ATP13A3: variants seen among roughly 807,000 people sequenced by gnomAD.
ATP13A3 encodes polyamine-transporting ATPase 13A3.
Under a neutral mutation model 158.1 loss-of-function variants are expected in ATP13A3, and 59 were observed. The observed-to-expected ratio is 0.37, with a 90% CI of 0.30 to 0.46. The LOEUF is 0.46. Ranked by LOEUF, ATP13A3 falls within the 20% of genes least tolerant of loss-of-function variation. The pLI is 1.00. For synonymous variants in ATP13A3, 491 were observed against 504.3 expected (o/e 0.97, Z 0.35); for missense variants, 1,166 against 1,525.2 (o/e 0.76, Z 3.92).
At chr3:194,424,449 T>C (rs57989106) in intron 30 of ATP13A3, 4 of 151,958 alleles carry the variant, frequency 2.6e-5, no homozygotes, top group Admixed American at 2.6e-4. Flanking sequence ...ACCAACAGGG[T>C]AGAAGTGACA....
chr3:194,420,075 C>A, intron 30 of ATP13A3, 108 bp from the exon 31 acceptor site: 1 of 1,209,514 alleles, frequency 8.3e-7, no homozygotes, highest in Non-Finnish European at 1.1e-6. Context: ...GTTTTGAATA[C>A]TTTCACTTCA....
In ATP13A3 at chr3:194,420,087, T is replaced by C. The variant is rs1271888827; in HGVS notation, c.3314-120A>G. ...TTGGTTTTGAATACTTTCACTTCAG[T>C]TGATGGAATAAAGTATGTGCTCTGT... On this transcript the variant is annotated intron_variant, in intron 30 of 33. Transcript: ENST00000645319. The C allele has an allele frequency of 6.3e-6, 7 of 1,119,120 alleles. No homozygotes were observed. In the Admixed American group the frequency reaches 1.5e-4, roughly 25 times the overall value. 69.3% of individuals were successfully genotyped at this position (1,119,120 alleles called of 1,614,324 possible).
At chr3:194,459,674 C>A in intron 5 of ATP13A3, 115 bp downstream of exon 5, 3 of 1,181,426 alleles carry the variant, frequency 2.5e-6, no homozygotes, top group Non-Finnish European at 3.6e-6. Flanking sequence ...ATTTTATATG[C>A]AGGTAAATTT....
At position 194,448,112 on chromosome 3, in the gene ATP13A3, C is replaced by G; in HGVS notation, c.1151-103G>C. 1 of 1,161,452 alleles carries G rather than the reference C, an allele frequency of 8.6e-7. No homozygotes were observed. The highest frequency in any genetic ancestry group is 1.2e-6 in the Non-Finnish European group (1 of 803,960). The allele number at this position is 1,161,452 out of a possible 1,614,324, so 71.9% of individuals were successfully genotyped here. On this transcript the variant is annotated intron_variant, in intron 12 of 33. Transcript: ENST00000645319. This position sits in a 1 kb window ranked among gnomAD's most constrained non-coding sequence, Gnocchi z 4.0. ...TTTTTTTTTGAGACAGAGTCTCGCT[C>G]TGTCACCCAGGCTGGAGTACAGTGG... is the stretch of plus-strand genomic sequence containing the variant.
chr3:194,451,947 C>G (rs1044865809), intron 10 of ATP13A3: 6 of 152,256 alleles, frequency 3.9e-5, no homozygotes, highest in African/African-American at 1.4e-4. Flanking sequence ...CAATTGCTAC[C>G]TTGATTCGGG....
chr3:194,463,034 G>A (rs1454902582), intron 2 of ATP13A3, among the ~76,000 whole-genome samples: 1 of 152,152 alleles, frequency 6.6e-6, no homozygotes, highest in Non-Finnish European at 1.5e-5. Flanking sequence ...AAGAGCTATG[G>A]CACTAGCAAT....
chr3:194,472,652 T>C (rs1357113694), intron 2 of ATP13A3, among the ~76,000 whole-genome samples: 2 of 152,196 alleles, frequency 1.3e-5, no homozygotes, highest in Non-Finnish European at 2.9e-5. Context: ...ACTAGGTATA[T>C]ATCCAAAGGA....
intron 30 of ATP13A3, among the ~76,000 whole-genome samples, chr3:194,420,657 T>A (rs2108767085): frequency 6.6e-6 from 1 of 152,256 alleles, no homozygotes; most frequent in African/African-American, 2.4e-5. Context: ...CAGTACTTTG[T>A]CTCACTTTCC....
chr3:194,433,398 C>T (rs1382930872), intron 21 of ATP13A3, among the ~76,000 whole-genome samples: 8 of 151,988 alleles, frequency 5.3e-5, no homozygotes, highest in South Asian at 4.1e-4. Context: ...CACCCGCCAC[C>T]GCTCCCGGCT....
chr3:194,419,761 GTAT>G (rs1264947082), intron 31 of ATP13A3, 115 bp downstream of exon 31: 1 of 1,427,596 alleles, frequency 7.0e-7, no homozygotes, highest in African/African-American at 1.5e-5. Context: ...TCTCTGTAGA[GTAT>G]CTTTGGGTTA....
intron 2 of ATP13A3, among the ~76,000 whole-genome samples, chr3:194,469,143 CAA>C (rs35461219): frequency 4.9e-5 from 7 of 142,784 alleles, no homozygotes; most frequent in East Asian, 2.1e-4. Flanking sequence ...ACACACACAC[CAA>C]AAAAAAAAAA....
chr3:194,464,821 T>C (rs1429533681), intron 2 of ATP13A3, among the ~76,000 whole-genome samples: 4 of 152,164 alleles, frequency 2.6e-5, no homozygotes, highest in Admixed American at 2.0e-4. Flanking sequence ...CTCACTATGT[T>C]GCCCAGGCTG....
At chr3:194,410,317 A>AAAAC (rs1392874174) in intron 33 of ATP13A3, among the ~76,000 whole-genome samples, 1 of 145,488 alleles carries the variant, frequency 6.9e-6, no homozygotes, top group African/African-American at 2.6e-5. Flanking sequence ...AAAAAAAAAA[A>AAAAC]AAAAAAAAAA....
rs3836225 is a variant in ATP13A3, at chr3:194,403,917, T to TGGG, written c.*1999_*2001dup. ...TTACTAACTCTAAATGTTAAAAAAGTGGGGGGGGGGTGTCAAAAATAGCTC... is the reference window on the plus strand; with the variant it reads ...TTACTAACTCTAAATGTTAAAAAAGTGGGGGGGGGGGGGTGTCAAAAATAGCTC... On this transcript the variant is annotated 3_prime_UTR_variant, in exon 34 of 34. Transcript: ENST00000645319. 1,224 of 275,524 alleles carry TGGG rather than the reference T, an allele frequency of 4.4e-3. 3 individuals carry two copies. Among genetic ancestry groups the TGGG allele is most frequent in the Non-Finnish European group, 5.5e-3 (773 of 141,274 alleles). The allele number at this position is 275,524 out of a possible 1,614,324, so 17.1% of individuals were successfully genotyped here. A position where few individuals can be genotyped will look rare whatever the true frequency, so the allele number is the denominator to read the frequency against.
chr3:194,409,605 CCACCGAAGATTTCCATT>C (rs1319060924), intron 33 of ATP13A3, among the ~76,000 whole-genome samples: 2 of 151,586 alleles, frequency 1.3e-5, no homozygotes, highest in African/African-American at 2.4e-5. Context: ...ATGGGGGTCT[CCACCGAAGATTTCCATT>C]CAGTAGGTCA....
chr3:194,457,782 A>C (rs1161100525), intron 6 of ATP13A3, among the ~76,000 whole-genome samples: 1 of 142,882 alleles, frequency 7.0e-6, no homozygotes, highest in South Asian at 2.2e-4. Context: ...TATCTTAATT[A>C]TGCTTTTTTT....
At chr3:194,433,537 C>T (rs559951248) in intron 21 of ATP13A3, among the ~76,000 whole-genome samples, 51 of 152,258 alleles carry the variant, frequency 3.3e-4, no homozygotes, top group African/African-American at 1.2e-3. Context: ...GCCACCGCGC[C>T]CGGCCGTACT....
chr3:194,431,727 A>G lies in ATP13A3; in HGVS notation c.2411T>C (p.Ile804Thr), dbSNP rs544131462. The change falls in exon 22 of 34, where the codon ATT (isoleucine) becomes ACT (threonine). Residue 804 changes from isoleucine to threonine, a missense_variant. This residue lies in a region of ATP13A3 where 997 missense variants were observed against 1,341.2 expected (regional missense o/e 0.74). Coordinates refer to ENST00000645319, the MANE Select transcript of ATP13A3 (RefSeq NM_001367549.1). ...CGATCTTGACCTTACCTCTGGGTCA[A>G]TTGCTGATGGATGACTGCACTGCGT... ...SLTQCSHPSA[I>T]DPEAIPVKLV... 35 of 1,577,318 alleles carry G rather than the reference A, an allele frequency of 2.2e-5. 1 individual carries two copies. The South Asian group carries it at 4.0e-4, about 18-fold the overall frequency.
chr3:194,430,080 G>A lies in ATP13A3; in HGVS notation c.2769C>T (p.Asn923=), dbSNP rs752341828. 2 of 1,613,616 alleles carry A rather than the reference G, an allele frequency of 1.2e-6. No individual in the cohort carries two copies. Among genetic ancestry groups the A allele is most frequent in the South Asian group, 2.2e-5 (2 of 91,036 alleles). ...SKTPSISCVP[N]LIREGRAALI... is the part of the protein sequence containing the mutation. ...ATTTTAATTTGTACTACCTGATAAGGTTTGGCACACAGGAAATACTAGGAG... is the reference window on the plus strand; with the variant it reads ...ATTTTAATTTGTACTACCTGATAAGATTTGGCACACAGGAAATACTAGGAG... The change falls in exon 26 of 34, where the codon AAC becomes AAT. Residue 923 remains asparagine (N), a synonymous_variant. Transcript: ENST00000645319.
Sources: allele counts gnomAD v4.1 joint callset (sites outside exome capture counted in the v4.1 genomes callset), GRCh38; gene constraint gnomAD v4.1.1; regional missense constraint gnomAD v4.1.1; non-coding constraint Gnocchi (gnomAD v3.1); transcripts MANE v1.5; gene names NCBI Gene and HGNC (gene_info 2026-07-23, HGNC 2026-07-21).